Variants in CNTNAP5 observed in about 807,000 individuals in gnomAD.
CNTNAP5 encodes contactin associated protein family member 5.
CNTNAP5 carries 72 observed loss-of-function variants against 150.2 expected under a neutral mutation model. The observed-to-expected ratio is 0.48, with a 90% confidence interval of 0.40 to 0.58. The LOEUF (loss-of-function observed/expected upper bound fraction) is 0.58. CNTNAP5 is among the 20% of genes least tolerant of loss of function. The pLI, the probability that CNTNAP5 is intolerant of heterozygous loss-of-function variation, is 0.00. For missense variants in CNTNAP5, 1,636 were observed against 1,626.2 expected (o/e 1.01, Z -0.10); for synonymous variants, 672 against 619.8 (o/e 1.08, Z -1.25).
At chr2:124,742,931 A>G (rs1384634281) in intron 13 of CNTNAP5, among the ~76,000 whole-genome samples, 1 of 152,068 alleles carries the variant, frequency 6.6e-6, no homozygotes, top group African/African-American at 2.4e-5. Flanking sequence ...GAGGCTGTGT[A>G]TGAAAACTCT....
intron 1 of CNTNAP5, among the ~76,000 whole-genome samples, chr2:124,089,601 G>A (rs1682770480): frequency 6.6e-6 from 1 of 152,202 alleles, no homozygotes; most frequent in African/African-American, 2.4e-5. Flanking sequence ...ATACTTGTGT[G>A]AGGTTACTTA....
At chr2:124,655,461 G>A (rs1678423596) in intron 13 of CNTNAP5, among the ~76,000 whole-genome samples, 1 of 151,886 alleles carries the variant, frequency 6.6e-6, no homozygotes, top group Non-Finnish European at 1.5e-5. Context: ...ACGTACGTGT[G>A]CATGTGTCTT....
intron 1 of CNTNAP5, among the ~76,000 whole-genome samples, chr2:124,124,512 TC>T (rs1368607600): frequency 6.6e-6 from 1 of 152,012 alleles, no homozygotes; most frequent in Non-Finnish European, 1.5e-5. Flanking sequence ...CTGGAGAACT[TC>T]CCCAATCTAG....
chr2:124,469,648 G>A (rs117434353), intron 6 of CNTNAP5, among the ~76,000 whole-genome samples: 1 of 152,114 alleles, frequency 6.6e-6, no homozygotes, highest in East Asian at 1.9e-4. Flanking sequence ...ATGTGTCATA[G>A]TGATTAGCTG....
Position 124,811,706 on chromosome 2 carries a change from C to CGGGGG in CNTNAP5, c.3217+13390_3217+13394dup, listed in dbSNP as rs70999221. ...CCTGTAATCCCATCACTTTAGGAGG[C>CGGGGG]GGGGGGGGTGGATCACCTGAAATCA... On this transcript the variant is annotated intron_variant, in intron 19 of 23. Coordinates refer to ENST00000682447, the MANE Select transcript of CNTNAP5 (RefSeq NM_001367498.1). Among the ~76,000 whole-genome samples the CGGGGG allele has an allele frequency of 3.5e-4, 48 of 136,604 alleles. No homozygotes were observed. In the East Asian group the frequency reaches 4.9e-3, roughly 14 times the overall value. 89.6% of individuals were successfully genotyped at this position (136,604 alleles called of 152,430 possible). A position where few individuals can be genotyped will look rare whatever the true frequency, so the allele number is the denominator to read the frequency against.
At chr2:124,196,069 A>G (rs1445086507) in intron 1 of CNTNAP5, among the ~76,000 whole-genome samples, 1 of 151,692 alleles carries the variant, frequency 6.6e-6, no homozygotes, top group Non-Finnish European at 1.5e-5. Flanking sequence ...AAAAAATAGC[A>G]GTTTTTTTTT....
At chr2:124,639,957 C>T (rs142309788) in intron 12 of CNTNAP5, among the ~76,000 whole-genome samples, 251 of 152,148 alleles carry the variant, frequency 1.6e-3, no homozygotes, top group African/African-American at 5.7e-3. Flanking sequence ...GCTGCAGATA[C>T]TCTTCCCAAC....
At chr2:124,073,972 G>A (rs1448251253) in intron 1 of CNTNAP5, among the ~76,000 whole-genome samples, 4 of 152,156 alleles carry the variant, frequency 2.6e-5, no homozygotes, top group African/African-American at 7.2e-5. Context: ...TGAAGAAAAT[G>A]TGGTACATAT....
chr2:124,478,290 A>G (rs1386308765), intron 7 of CNTNAP5, among the ~76,000 whole-genome samples: 2 of 152,160 alleles, frequency 1.3e-5, no homozygotes, highest in African/African-American at 2.4e-5. Flanking sequence ...CTTTGCTAGC[A>G]TATGTTACTC....
At chr2:124,818,683 A>C (rs1445652011) in intron 19 of CNTNAP5, among the ~76,000 whole-genome samples, 2 of 152,042 alleles carry the variant, frequency 1.3e-5, no homozygotes, top group Non-Finnish European at 2.9e-5. Context: ...TCCTGTAGCC[A>C]CAAGCCTCTT....
intron 3 of CNTNAP5, among the ~76,000 whole-genome samples, chr2:124,409,751 C>T (rs1029624539): frequency 1.1e-4 from 17 of 151,100 alleles, no homozygotes; most frequent in African/African-American, 2.9e-4. Context: ...AAGGAACAAC[C>T]GGTACCAGCC....
chr2:124,159,807 A>G (rs909895864), intron 1 of CNTNAP5, among the ~76,000 whole-genome samples: 1 of 152,202 alleles, frequency 6.6e-6, no homozygotes, highest in Non-Finnish European at 1.5e-5. Context: ...CAGCATGTCC[A>G]GCTGTATTAA....
At chr2:124,726,303 G>A (rs1680156204) in intron 13 of CNTNAP5, among the ~76,000 whole-genome samples, 1 of 152,154 alleles carries the variant, frequency 6.6e-6, no homozygotes, top group African/African-American at 2.4e-5. Context: ...CTGGTAAGAG[G>A]TGATTGGATC....
intron 1 of CNTNAP5, among the ~76,000 whole-genome samples, chr2:124,091,401 T>TG (rs1261691339): frequency 6.6e-6 from 1 of 152,066 alleles, no homozygotes; most frequent in Non-Finnish European, 1.5e-5. Context: ...AGAAATGACT[T>TG]GCAAAATTCA....
At chr2:124,555,648 A>T (rs1359327697) in intron 10 of CNTNAP5, among the ~76,000 whole-genome samples, 1 of 152,242 alleles carries the variant, frequency 6.6e-6, no homozygotes, top group Non-Finnish European at 1.5e-5. Context: ...AAAAGCAGGC[A>T]GAGTCTGAAA....
chr2:124,050,143 T>G (rs1042912560), intron 1 of CNTNAP5, among the ~76,000 whole-genome samples: 1 of 152,152 alleles, frequency 6.6e-6, no homozygotes, highest in African/African-American at 2.4e-5. Flanking sequence ...TTGATAGATA[T>G]TCTTAATACA....
intron 3 of CNTNAP5, among the ~76,000 whole-genome samples, chr2:124,342,939 T>C (rs1354184127): frequency 6.6e-6 from 1 of 152,186 alleles, no homozygotes; most frequent in African/African-American, 2.4e-5. Flanking sequence ...TCTTTTTCAT[T>C]TGAGTCTTGG....
Position 124,916,056 on chromosome 2 carries a change from T to C in CNTNAP5, c.*1768T>C, listed in dbSNP as rs1021763873. 2.6e-5 allele frequency among the ~76,000 whole-genome samples: 4 copies of C among 152,210 alleles called. No individual in the cohort carries two copies. In the East Asian group the frequency reaches 7.8e-4, roughly 30 times the overall value. ...TCTCACAATGAGGAACTTAGTTGCT[T>C]CATTCCATTTCAAACACAGCTTTTC... On this transcript the variant is annotated 3_prime_UTR_variant, in exon 24 of 24. Transcript: ENST00000682447.
intron 1 of CNTNAP5, among the ~76,000 whole-genome samples, chr2:124,126,808 C>A (rs1163690209): frequency 6.6e-6 from 1 of 152,160 alleles, no homozygotes; most frequent in Non-Finnish European, 1.5e-5. Context: ...AAGACAAAAA[C>A]CACATGATTG....
Sources: allele counts gnomAD v4.1 joint callset (sites outside exome capture counted in the v4.1 genomes callset), GRCh38; gene constraint gnomAD v4.1.1; transcripts MANE v1.5; gene names NCBI Gene and HGNC (gene_info 2026-07-23, HGNC 2026-07-21).